LDB1: variants seen among roughly 807,000 people sequenced by gnomAD.
The protein encoded by LDB1 is LIM domain binding 1.
In LDB1, 6 loss-of-function variants were observed where a neutral mutation model predicts 49.7. The observed-to-expected ratio is 0.12, with a 90% CI of 0.07 to 0.24. The LOEUF (loss-of-function observed/expected upper bound fraction) is 0.24, where lower values mean the gene tolerates loss of function less well. Ranked by LOEUF, LDB1 falls within the 10% of genes least tolerant of loss-of-function variation. The pLI is 1.00. For missense variants in LDB1, 341 were observed against 561.7 expected, an observed-to-expected ratio of 0.61 and a Z score of 3.97; for synonymous variants, 233 against 202.0, an observed-to-expected ratio of 1.15 and a Z score of -1.30.
chr10:102,110,371 T>G, intron 6 of LDB1, 158 bp downstream of exon 6: 1 of 734,986 alleles, frequency 1.4e-6, no homozygotes, highest in Non-Finnish European at 2.2e-6. Flanking sequence ...ACAAACACAA[T>G]ACATGTTTGC....
At chr10:102,111,360 G>A (rs1221262069) in intron 2 of LDB1, 60 bp from the exon 3 acceptor site, 3 of 1,598,692 alleles carry the variant, frequency 1.9e-6, no homozygotes, top group South Asian at 1.1e-5. Flanking sequence ...TGGGGGCAGG[G>A]GGCTACTCCC....
At position 102,109,693 on chromosome 10, in the gene LDB1, G is replaced by A. The variant is rs2068221723; in HGVS notation, c.649-10C>T. The A allele has an allele frequency of 2.5e-6, 4 of 1,613,570 alleles. No homozygotes were observed. The highest frequency in any genetic ancestry group is 1.3e-5 in the African/African-American group (1 of 74,876). On this transcript the variant is annotated splice_polypyrimidine_tract_variant and intron_variant, in intron 7 of 10. Coordinates refer to ENST00000673968, the MANE Select transcript of LDB1 (RefSeq NM_001113407.3). The surrounding 1 kb of genome is among the most constrained non-coding windows in gnomAD (Gnocchi z 5.8). ...TCTGGGGGTCTTGGGCCTAGAGTGG[G>A]AGAAAAGACAAGAAAGAACACTGAC...
At chr10:102,116,426 C>A (rs1352613078) in intron 1 of LDB1, among the ~76,000 whole-genome samples, 1 of 152,146 alleles carries the variant, frequency 6.6e-6, no homozygotes, top group Admixed American at 6.5e-5. Context: ...GGTGATCCAC[C>A]CACCTTGGCC....
chr10:102,110,360 T>G, intron 6 of LDB1, 169 bp downstream of exon 6: 1 of 712,162 alleles, frequency 1.4e-6, no homozygotes, highest in Non-Finnish European at 2.3e-6. Context: ...AACTATCCCA[T>G]ACAAACACAA....
At chr10:102,108,437 C>G (rs1274590580) in intron 10 of LDB1, 114 bp from the exon 11 acceptor site, 3 of 705,474 alleles carry the variant, frequency 4.3e-6, no homozygotes, top group African/African-American at 1.8e-5. Flanking sequence ...GTCCCCACCC[C>G]CTCCTCATAC....
intron 1 of LDB1, among the ~76,000 whole-genome samples, chr10:102,116,998 A>G (rs1205578218): frequency 7.5e-6 from 1 of 133,468 alleles, no homozygotes; most frequent in Non-Finnish European, 1.6e-5. Flanking sequence ...AGACAGGATG[A>G]CCAGGGTGGG....
downstream of LDB1, among the ~76,000 whole-genome samples, chr10:102,105,649 C>G (rs115292912): frequency 7.2e-4 from 110 of 151,866 alleles, no homozygotes; most frequent in African/African-American, 2.6e-3. Flanking sequence ...GACCTTAGCA[C>G]CAGGGGAGAC....
chr10:102,114,622 T>C, intron 1 of LDB1: 5 of 984,688 alleles, frequency 5.1e-6, no homozygotes, highest in Non-Finnish European at 6.0e-6. Flanking sequence ...CGGGGGAAAG[T>C]TACAATGGCC....
chr10:102,112,635 A>C (rs1283671941), intron 1 of LDB1, among the ~76,000 whole-genome samples: 1 of 149,922 alleles, frequency 6.7e-6, no homozygotes, highest in Non-Finnish European at 1.5e-5. Flanking sequence ...ATTGTCTCCA[A>C]ACCAGAAACC....
In LDB1 at chr10:102,109,688, A is replaced by G. The variant is rs780579586; in HGVS notation, c.649-5T>C. 1 of 1,613,920 alleles carries G rather than the reference A, an allele frequency of 6.2e-7. No homozygotes were observed. Among genetic ancestry groups the G allele is most frequent in the Non-Finnish European group, 8.5e-7 (1 of 1,179,878 alleles). On this transcript the variant is annotated splice_region_variant and splice_polypyrimidine_tract_variant and intron_variant, in intron 7 of 10. Coordinates refer to ENST00000673968, the MANE Select transcript of LDB1 (RefSeq NM_001113407.3). The surrounding 1 kb of genome is among the most constrained non-coding windows in gnomAD (Gnocchi z 5.8). ...CAACATCTGGGGGTCTTGGGCCTAG[A>G]GTGGGAGAAAAGACAAGAAAGAACA...
chr10:102,119,367 T>C (rs1000635849), intron 1 of LDB1, among the ~76,000 whole-genome samples: 3 of 151,642 alleles, frequency 2.0e-5, no homozygotes, highest in African/African-American at 7.3e-5. Flanking sequence ...TGATATGTTT[T>C]GGGGAGGCAG....
At chr10:102,108,435 C>G in intron 10 of LDB1, 112 bp from the exon 11 acceptor site, 1 of 743,452 alleles carries the variant, frequency 1.3e-6, no homozygotes, top group Non-Finnish European at 2.2e-6. Flanking sequence ...GAGTCCCCAC[C>G]CCCTCCTCAT....
At chr10:102,116,011 C>G (rs983211939) in intron 1 of LDB1, among the ~76,000 whole-genome samples, 7 of 152,078 alleles carry the variant, frequency 4.6e-5, no homozygotes, top group African/African-American at 9.7e-5. Flanking sequence ...TTCTCTACTT[C>G]CTGTCTCCTA....
chr10:102,109,802 G>T lies in LDB1; in HGVS notation c.648+119C>A. ...AGGATAGTCTCTTATTAAACCTGCT[G>T]TTCAGATGAAGAAACCCTAACCCTC... On this transcript the variant is annotated intron_variant, in intron 7 of 10. Coordinates refer to ENST00000673968, the MANE Select transcript of LDB1 (RefSeq NM_001113407.3). This position sits in a 1 kb window ranked among gnomAD's most constrained non-coding sequence, Gnocchi z 5.8. 1.9e-6 allele frequency: 3 copies of T among 1,553,318 alleles called. No homozygotes were observed. The Admixed American group carries it at 5.2e-5, about 27-fold the overall frequency.
chr10:102,106,426 G>C (rs1384251568), downstream of LDB1, among the ~76,000 whole-genome samples: 4 of 151,304 alleles, frequency 2.6e-5, no homozygotes, highest in South Asian at 2.1e-4. Context: ...GAACTGCAAG[G>C]ATGGGGAAAA....
rs766312039 is a variant in LDB1 at position 102,110,942 on chromosome 10, G to A, written c.279C>T (p.Phe93=). ...EECDNLWWDA[F]TTEFFEDDAM... ...CATCATCCTCAAAGAACTCAGTCGT[G>A]AATGCATCCCACCAGAGATTGTCAC... is the stretch of plus-strand genomic sequence containing the variant. The change falls in exon 5 of 11, where the codon TTC becomes TTT. Residue 93 remains phenylalanine (F), a synonymous_variant. Transcript: ENST00000673968. The A allele has an allele frequency of 9.3e-6, 15 of 1,614,000 alleles. No homozygotes were observed. Among genetic ancestry groups the A allele is most frequent in the African/African-American group, 1.3e-5 (1 of 74,914 alleles).
At chr10:102,102,908 C>A (rs1194778454), downstream of LDB1, among the ~76,000 whole-genome samples, 1 of 152,198 alleles carries the variant, frequency 6.6e-6, no homozygotes, top group Non-Finnish European at 1.5e-5. Flanking sequence ...AATCCTCTTG[C>A]TTCAGCCTGC....
At chr10:102,116,554 C>T (rs945390693) in intron 1 of LDB1, among the ~76,000 whole-genome samples, 5 of 152,144 alleles carry the variant, frequency 3.3e-5, no homozygotes, top group Admixed American at 2.6e-4. Context: ...CAGTCTAAGT[C>T]ATACACACTG....
At chr10:102,115,772 T>C (rs1256000152) in intron 1 of LDB1, among the ~76,000 whole-genome samples, 6 of 152,124 alleles carry the variant, frequency 3.9e-5, no homozygotes, top group Admixed American at 1.3e-4. Context: ...TGTTCTCCCA[T>C]CCAGCAGGGC....
Sources: allele counts gnomAD v4.1 joint callset (sites outside exome capture counted in the v4.1 genomes callset), GRCh38; gene constraint gnomAD v4.1.1; non-coding constraint Gnocchi (gnomAD v3.1); transcripts MANE v1.5; gene names NCBI Gene and HGNC (gene_info 2026-07-23, HGNC 2026-07-21).